Variants in MICU3 observed in about 807,000 individuals in gnomAD.
The protein encoded by MICU3 is mitochondrial calcium uptake 3, also known as calcium uptake protein 3, mitochondrial.
A neutral mutation model predicts 66.5 loss-of-function variants in MICU3; 62 were observed. That is an observed-to-expected ratio of 0.93 (90% CI 0.76 to 1.15). The LOEUF is 1.15. MICU3 is among the 50% of genes most tolerant of loss of function. The probability of loss-of-function intolerance (pLI) is 0.00; values close to 1 mark genes in which losing one functional copy is unlikely to be tolerated. For missense variants in MICU3, 779 were observed against 664.4 expected (o/e 1.17, Z -1.90); for synonymous variants, 308 against 240.7 (o/e 1.28, Z -2.59).
intron 8 of MICU3, among the ~76,000 whole-genome samples, chr8:17,092,103 C>G (rs1034662925): frequency 2.0e-5 from 3 of 152,036 alleles, no homozygotes; most frequent in Admixed American, 2.0e-4. Context: ...GTCTTGATCT[C>G]CTGACCTCAT....
Position 17,104,438 on chromosome 8 carries a change from A to G in MICU3, c.1032A>G (p.Val344=). The change falls in exon 10 of 15, where the codon GTA becomes GTG. Residue 344 remains valine (V), a synonymous_variant. Coordinates refer to ENST00000318063, the MANE Select transcript of MICU3 (RefSeq NM_181723.3). ...TSLVTDTTLL[V]HFFGKKGKAE... is the part of the protein sequence containing the mutation. ...TAGTAACAGATACTACACTTCTTGT[A>G]CACTTTTTTGGAAAGAAAGGAAAAG... 6.8e-7 allele frequency: 1 copy of G among 1,468,094 alleles called. No homozygotes were observed. Among genetic ancestry groups the G allele is most frequent in the Non-Finnish European group, 9.2e-7 (1 of 1,088,888 alleles). The allele number at this position is 1,468,094 out of a possible 1,614,324, so 90.9% of individuals were successfully genotyped here. A position where few individuals can be genotyped will look rare whatever the true frequency, so the allele number is the denominator to read the frequency against.
intron 9 of MICU3, chr8:17,102,306 A>G (rs1801336382): frequency 6.6e-6 from 1 of 151,944 alleles, no homozygotes; most frequent in Non-Finnish European, 1.5e-5. Flanking sequence ...TAAGCGGATA[A>G]TAAGTAAGAT....
intron 1 of MICU3, among the ~76,000 whole-genome samples, chr8:17,052,729 A>G (rs1816307331): frequency 6.6e-6 from 1 of 152,172 alleles, no homozygotes; most frequent in Non-Finnish European, 1.5e-5. Flanking sequence ...CACACTGGGA[A>G]TTTGAGGTTT....
the MICU3 span, among the ~76,000 whole-genome samples, chr8:17,135,967 G>A: frequency 6.6e-6 from 1 of 151,938 alleles, no homozygotes; most frequent in African/African-American, 2.4e-5. Context: ...TCTGATCTTG[G>A]ACAAGTTGAC....
At chr8:17,086,860 T>C (rs1799526930) in intron 6 of MICU3, 104 bp from the exon 7 acceptor site, 1 of 701,970 alleles carries the variant, frequency 1.4e-6, no homozygotes, top group Non-Finnish European at 2.5e-6. Flanking sequence ...TCTTGGTGGA[T>C]GAAGCTGTTT....
intron 1 of MICU3, among the ~76,000 whole-genome samples, chr8:17,056,831 T>C (rs568029070): frequency 5.3e-5 from 8 of 152,320 alleles, no homozygotes; most frequent in African/African-American, 1.9e-4. Flanking sequence ...TTCCATTTGA[T>C]ATGGAACATC....
rs143892576 is a variant in MICU3 at position 17,081,827 on chromosome 8, T to G, written c.694+87T>G. 871 of 643,728 alleles carry G rather than the reference T, an allele frequency of 1.4e-3. 5 individuals carry two copies. In the African/African-American group the frequency reaches 0.014, roughly 10 times the overall value. 39.9% of individuals were successfully genotyped at this position (643,728 alleles called of 1,614,324 possible). A position where few individuals can be genotyped will look rare whatever the true frequency, so the allele number is the denominator to read the frequency against. ...AGCAGATCTTAGGTTCTCTTACTCT[T>G]GAAAATCAATATCCATGCTGTTCTG... On this transcript the variant is annotated intron_variant, in intron 5 of 14. Transcript: ENST00000318063.
In MICU3 at chr8:17,069,856, C is replaced by G. The variant is rs146551107; in HGVS notation, c.567+137C>G. 523 of 255,432 alleles carry G rather than the reference C, an allele frequency of 2.0e-3. 1 individual carries two copies. Among genetic ancestry groups the G allele is most frequent in the Non-Finnish European group, 5.4e-4 (73 of 135,924 alleles). The allele number at this position is 255,432 out of a possible 1,614,324, so 15.8% of individuals were successfully genotyped here. On this transcript the variant is annotated intron_variant, in intron 3 of 14. Coordinates refer to ENST00000318063, the MANE Select transcript of MICU3 (RefSeq NM_181723.3). ...GATTTTTTGGCAAATCAAATCACAT[C>G]AGAGTTCCTTTTTTTATCCTCCAGA...
chr8:17,133,909 A>T, the MICU3 span, among the ~76,000 whole-genome samples: 1 of 152,240 alleles, frequency 6.6e-6, no homozygotes, highest in Non-Finnish European at 1.5e-5. Context: ...TCTTGTAACT[A>T]CATTGTTTTA....
chr8:17,054,164 G>A (rs1415935023), intron 1 of MICU3, among the ~76,000 whole-genome samples: 14 of 151,932 alleles, frequency 9.2e-5, no homozygotes, highest in Admixed American at 9.2e-4. Flanking sequence ...TTTCCTATTC[G>A]GTGAAAAATA....
chr8:17,096,996 T>A (rs972809803), intron 8 of MICU3, among the ~76,000 whole-genome samples: 30 of 141,246 alleles, frequency 2.1e-4, no homozygotes, highest in African/African-American at 2.6e-4. Flanking sequence ...TGTGTGTGTG[T>A]GATTGTGGAC....
rs140812929 is a variant in MICU3 at position 17,044,938 on chromosome 8, A to G, written c.381+17278A>G. Among the ~76,000 whole-genome samples, 1,278 of 152,286 alleles carry G rather than the reference A, an allele frequency of 8.4e-3. 14 individuals are homozygous for G. The highest frequency in any genetic ancestry group is 0.029 in the African/African-American group (1,205 of 41,572). Reference sequence around the variant, plus strand: ...CCAGAAATTCTCAAAAAACAATTTTATCTGTACTTCACTGGCCAAAACTTG... The same window carrying G: ...CCAGAAATTCTCAAAAAACAATTTTGTCTGTACTTCACTGGCCAAAACTTG... On this transcript the variant is annotated intron_variant, in intron 1 of 14. Transcript: ENST00000318063.
intron 3 of MICU3, among the ~76,000 whole-genome samples, chr8:17,074,609 G>A (rs1012400218): frequency 6.6e-6 from 1 of 151,268 alleles, no homozygotes; most frequent in African/African-American, 2.4e-5. Flanking sequence ...GTGTGTGTGT[G>A]TGTGTGTGTG....
chr8:17,123,364 A>T (rs778022432), downstream of MICU3, among the ~76,000 whole-genome samples: 7 of 152,132 alleles, frequency 4.6e-5, no homozygotes, highest in Admixed American at 6.6e-5. Context: ...CTGTGAAGAG[A>T]GAGAGGTGTA....
intron 1 of MICU3, among the ~76,000 whole-genome samples, chr8:17,057,029 A>G (rs1305351774): frequency 6.6e-6 from 1 of 152,220 alleles, no homozygotes; most frequent in South Asian, 2.1e-4. Flanking sequence ...TTCTGTCAAC[A>G]GGTTAAGCTA....
At chr8:17,037,622 C>T (rs1373723687) in intron 1 of MICU3, among the ~76,000 whole-genome samples, 2 of 152,214 alleles carry the variant, frequency 1.3e-5, no homozygotes, top group African/African-American at 4.8e-5. Context: ...AGCCCACACA[C>T]AGAGTTCCCA....
chr8:17,109,180 A>C (rs1801990435), intron 11 of MICU3, among the ~76,000 whole-genome samples: 1 of 152,106 alleles, frequency 6.6e-6, no homozygotes, highest in Non-Finnish European at 1.5e-5. Flanking sequence ...GCATAATCAT[A>C]TTCTAACATA....
chr8:17,104,278 A>C, intron 9 of MICU3, 113 bp from the exon 10 acceptor site: 2 of 439,234 alleles, frequency 4.6e-6, no homozygotes, highest in Non-Finnish European at 8.1e-6. Flanking sequence ...ATATTAATAT[A>C]TTTACATTCT....
intron 7 of MICU3, among the ~76,000 whole-genome samples, chr8:17,087,895 T>G (rs563916825): frequency 6.6e-6 from 1 of 152,212 alleles, no homozygotes; most frequent in Admixed American, 6.5e-5. Context: ...TTTGTTGGCA[T>G]GTAAATGACA....
Sources: gnomAD v4.1 joint callset for allele counts (sites outside exome capture counted in the v4.1 genomes callset) on GRCh38, gnomAD v4.1.1 for gene constraint, MANE v1.5 for transcripts, NCBI Gene and HGNC (gene_info 2026-07-23, HGNC 2026-07-21) for gene names.